The following KCNJ10 variants were observed in gnomAD, a reference collection of about 807,000 sequenced individuals.
KCNJ10 encodes the protein potassium inwardly rectifying channel subfamily J member 10, also known as ATP-sensitive inward rectifier potassium channel 10.
KCNJ10 carries 9 observed loss-of-function variants against 22.2 expected under a neutral mutation model. The ratio of observed to expected loss-of-function variants is 0.40; its 90% CI spans 0.24 to 0.71. The LOEUF (loss-of-function observed/expected upper bound fraction) is 0.71, where lower values mean the gene tolerates loss of function less well. Among genes scored for constraint, KCNJ10 ranks in the 30% least tolerant of loss-of-function variants. The pLI, the probability that KCNJ10 is intolerant of heterozygous loss-of-function variation, is 0.35. For synonymous variants in KCNJ10, 184 were observed against 187.3 expected, an observed-to-expected ratio of 0.98 and a Z score of 0.15; for missense variants, 337 against 482.7, an observed-to-expected ratio of 0.70 and a Z score of 2.83.
At chr1:160,060,518 T>A (rs1649156455) in intron 1 of KCNJ10, among the ~76,000 whole-genome samples, 1 of 152,090 alleles carries the variant, frequency 6.6e-6, no homozygotes, top group Non-Finnish European at 1.5e-5. Context: ...GCCCTGAGGT[T>A]CTCCCATGCA....
chr1:160,067,178 C>T (rs1449710850), intron 1 of KCNJ10, among the ~76,000 whole-genome samples: 3 of 152,182 alleles, frequency 2.0e-5, no homozygotes, highest in Non-Finnish European at 4.4e-5. Flanking sequence ...CCCTCCCTTC[C>T]CCCACCACCT....
chr1:160,055,211 TC>T (rs1648998818), intron 1 of KCNJ10, among the ~76,000 whole-genome samples: 1 of 152,168 alleles, frequency 6.6e-6, no homozygotes, highest in South Asian at 2.1e-4. Flanking sequence ...AACAATCACC[TC>T]TGTAATATGG....
intron 1 of KCNJ10, among the ~76,000 whole-genome samples, chr1:160,053,205 C>T (rs567501852): frequency 1.7e-4 from 26 of 152,302 alleles, no homozygotes; most frequent in Non-Finnish European, 3.4e-4. Flanking sequence ...CTCCTCCCCC[C>T]GGCCTCGGTG....
intron 1 of KCNJ10, among the ~76,000 whole-genome samples, chr1:160,054,244 T>C (rs768835559): frequency 1.3e-5 from 2 of 152,188 alleles, no homozygotes; most frequent in African/African-American, 2.4e-5. Context: ...CTGCTAATCA[T>C]TGTCTGGGCC....
chr1:160,056,295 C>T (rs1180894263), intron 1 of KCNJ10, among the ~76,000 whole-genome samples: 4 of 152,188 alleles, frequency 2.6e-5, no homozygotes, highest in South Asian at 2.1e-4. Context: ...CCACAGCTTT[C>T]GTGATAAAAT....
intron 1 of KCNJ10, among the ~76,000 whole-genome samples, chr1:160,053,347 C>T (rs1648949288): frequency 6.6e-6 from 1 of 152,176 alleles, no homozygotes; most frequent in African/African-American, 2.4e-5. Context: ...AAAAGAAGCA[C>T]TTCTGGGCTT....
intron 1 of KCNJ10, among the ~76,000 whole-genome samples, chr1:160,051,285 T>C (rs912620873): frequency 3.9e-5 from 6 of 152,160 alleles, no homozygotes; most frequent in African/African-American, 1.2e-4. Context: ...TGTGGAGTAT[T>C]TCCTCTTGCA....
chr1:160,062,710 G>A (rs1389643491), intron 1 of KCNJ10: 3 of 152,262 alleles, frequency 2.0e-5, no homozygotes, highest in African/African-American at 2.4e-5. Flanking sequence ...TGGGTGGGCA[G>A]TCTAAGTCCT....
intron 1 of KCNJ10, among the ~76,000 whole-genome samples, chr1:160,054,868 G>A (rs1228279375): frequency 1.3e-5 from 2 of 152,212 alleles, no homozygotes; most frequent in African/African-American, 4.8e-5. Flanking sequence ...TGCAGAGGGG[G>A]CTGACCAGGT....
At chr1:160,051,474 G>A (rs1332646528) in intron 1 of KCNJ10, among the ~76,000 whole-genome samples, 4 of 152,100 alleles carry the variant, frequency 2.6e-5, no homozygotes, top group African/African-American at 7.2e-5. Context: ...CAATTTATTG[G>A]TAGCAGAGCT....
At chr1:160,054,149 G>T (rs1024625727) in intron 1 of KCNJ10, among the ~76,000 whole-genome samples, 5 of 152,210 alleles carry the variant, frequency 3.3e-5, no homozygotes, top group African/African-American at 9.7e-5. Context: ...AGTGGGTGCT[G>T]CCTCTTTGAT....
intron 1 of KCNJ10, among the ~76,000 whole-genome samples, chr1:160,060,630 C>T (rs990849021): frequency 1.3e-5 from 2 of 152,194 alleles, no homozygotes; most frequent in Non-Finnish European, 2.9e-5. Flanking sequence ...GTTTCTGCAA[C>T]TGTGACCCCA....
chr1:160,058,234 C>G (rs1249441914), intron 1 of KCNJ10, among the ~76,000 whole-genome samples: 1 of 152,134 alleles, frequency 6.6e-6, no homozygotes, highest in African/African-American at 2.4e-5. Context: ...TCTGAGCTTC[C>G]CATTGAAGTT....
In KCNJ10 at chr1:160,042,703, G is replaced by A. The variant is rs3120973; in HGVS notation, c.1-171C>T. ...ATGTGCCAGGCACTGTGCAGGGGCC[G>A]AGGCGGGTGGATCGCCTGAGGTCAG... On this transcript the variant is annotated intron_variant, in intron 1 of 1. Coordinates refer to ENST00000644903, the MANE Select transcript of KCNJ10 (RefSeq NM_002241.5). Among the ~76,000 whole-genome samples the A allele has an allele frequency of 0.24, 36,209 of 152,124 alleles. 5,340 individuals carry two copies. Among genetic ancestry groups the A allele is most frequent in the East Asian group, 0.32 (1,678 of 5,170 alleles).
rs1333612280 is a variant in KCNJ10, at chr1:160,038,665, A to G, written c.*2728T>C. Reference sequence around the variant, plus strand: ...AATATATTTGGGCATATATACATCTATATACATCTTTCTATATATATATTA... The same window carrying G: ...AATATATTTGGGCATATATACATCTGTATACATCTTTCTATATATATATTA... On this transcript the variant is annotated 3_prime_UTR_variant, in exon 2 of 2. Coordinates refer to ENST00000644903, the MANE Select transcript of KCNJ10 (RefSeq NM_002241.5). 3.9e-5 allele frequency: 6 copies of G among 152,116 alleles called. No individual in the cohort carries two copies. Among genetic ancestry groups the G allele is most frequent in the Non-Finnish European group, 8.8e-5 (6 of 68,030 alleles). 9.4% of individuals were successfully genotyped at this position (152,116 alleles called of 1,614,324 possible).
chr1:160,039,561 T>A lies in KCNJ10; in HGVS notation c.*1832A>T, dbSNP rs1408188330. The A allele has an allele frequency of 6.6e-6, 1 of 152,204 alleles. No homozygotes were observed. Among genetic ancestry groups the A allele is most frequent in the Non-Finnish European group, 1.5e-5 (1 of 68,034 alleles). 9.4% of individuals were successfully genotyped at this position (152,204 alleles called of 1,614,324 possible). On this transcript the variant is annotated 3_prime_UTR_variant, in exon 2 of 2. Transcript: ENST00000644903. ...CAAGTTTTTGTGGTTCTTGTTTTTA[T>A]GCCAACTAGAAGGTAATGGTGGGGT...
chr1:160,056,129 A>G (rs968280282), intron 1 of KCNJ10, among the ~76,000 whole-genome samples: 1 of 151,854 alleles, frequency 6.6e-6, no homozygotes, highest in Non-Finnish European at 1.5e-5. Context: ...ACTCCTCTTC[A>G]TGTCCATGGA....
intron 1 of KCNJ10, among the ~76,000 whole-genome samples, chr1:160,057,928 G>T (rs1649080883): frequency 6.6e-6 from 1 of 152,060 alleles, no homozygotes; most frequent in African/African-American, 2.4e-5. Context: ...AGAGGTAGTG[G>T]CGGGTAGGGG....
rs1220204943 is a variant in KCNJ10, at chr1:160,038,564, G to T, written c.*2829C>A. 2.0e-5 allele frequency: 3 copies of T among 152,060 alleles called. No homozygotes were observed. The highest frequency in any genetic ancestry group is 4.4e-5 in the Non-Finnish European group (3 of 68,020). 9.4% of individuals were successfully genotyped at this position (152,060 alleles called of 1,614,324 possible). ...ACTGATTGTAAGTCTGAAAATCTGG[G>T]TGTCCTACCCCATAACCAGGCCAAG... On this transcript the variant is annotated 3_prime_UTR_variant, in exon 2 of 2. Coordinates refer to ENST00000644903, the MANE Select transcript of KCNJ10 (RefSeq NM_002241.5).
Sources: allele counts gnomAD v4.1 joint callset (sites outside exome capture counted in the v4.1 genomes callset), GRCh38; gene constraint gnomAD v4.1.1; transcripts MANE v1.5; gene names NCBI Gene and HGNC (gene_info 2026-07-23, HGNC 2026-07-21).